BMP6: variants seen among roughly 807,000 people sequenced by gnomAD.
The protein encoded by BMP6 is bone morphogenetic protein 6.
BMP6 carries 17 observed loss-of-function variants against 54.1 expected under a neutral mutation model. The observed-to-expected ratio is 0.31, with a 90% CI of 0.22 to 0.47. The LOEUF is 0.47. Among genes scored for constraint, BMP6 ranks in the 20% least tolerant of loss-of-function variants. BMP6 has a pLI of 1.00. For missense variants in BMP6, 720 were observed against 690.4 expected, an observed-to-expected ratio of 1.04 and a Z score of -0.48; for synonymous variants, 328 against 291.2, an observed-to-expected ratio of 1.13 and a Z score of -1.28.
intron 1 of BMP6, among the ~76,000 whole-genome samples, chr6:7,821,375 C>T (rs924869132): frequency 2.6e-5 from 4 of 152,166 alleles, no homozygotes; most frequent in Non-Finnish European, 5.9e-5. Flanking sequence ...ACTCTTTTGT[C>T]ATCTCTGCTC....
intron 4 of BMP6, among the ~76,000 whole-genome samples, chr6:7,862,953 G>A (rs1019967585): frequency 2.6e-4 from 39 of 152,188 alleles, no homozygotes; most frequent in African/African-American, 9.1e-4. Context: ...CCTCTAGGAT[G>A]GATTTCTTTG....
rs777832103 is a variant in BMP6 at position 7,861,593 on chromosome 6, A to G, written c.1000A>G (p.Arg334Gly). ...NMGLQLSVVT[R>G]DGVHVHPRAA... ...GGGGCTTCAGCTGAGCGTGGTGACAAGGGATGGTAAGTTATTATCCGCAAG... is the reference window on the plus strand; with the variant it reads ...GGGGCTTCAGCTGAGCGTGGTGACAGGGGATGGTAAGTTATTATCCGCAAG... Residue 334 changes from arginine (R) to glycine (G), a missense_variant, in exon 3 of 7, where the codon AGG (arginine) becomes GGG (glycine). Physicochemically the swap from Arg to Gly is moderately radical, Grantham distance 125. Coordinates refer to ENST00000283147, the MANE Select transcript of BMP6 (RefSeq NM_001718.6). 6 of 1,613,968 alleles carry G rather than the reference A, an allele frequency of 3.7e-6. No individual in the cohort carries two copies. The highest frequency in any genetic ancestry group is 4.2e-6 in the Non-Finnish European group (5 of 1,180,010).
At chr6:7,856,673 T>TGCAAGCTCCGCCTCCC in intron 2 of BMP6, among the ~76,000 whole-genome samples, 1 of 135,306 alleles carries the variant, frequency 7.4e-6, no homozygotes, top group East Asian at 2.6e-4. Flanking sequence ...CTCGGCTCAC[T>TGCAAGCTCCGCCTCCC]GCAAGCTCCG....
intron 4 of BMP6, among the ~76,000 whole-genome samples, chr6:7,867,802 T>C (rs1275711424): frequency 6.6e-6 from 1 of 152,168 alleles, no homozygotes; most frequent in Non-Finnish European, 1.5e-5. Flanking sequence ...AAAGTTAGAA[T>C]CAAAAGCTTC....
intron 4 of BMP6, among the ~76,000 whole-genome samples, chr6:7,863,544 TC>T (rs1244118324): frequency 6.6e-6 from 1 of 152,156 alleles, no homozygotes; most frequent in Non-Finnish European, 1.5e-5. Flanking sequence ...TGGGGTTGCG[TC>T]CTCCAACCTG....
At position 7,762,181 on chromosome 6, in the gene BMP6, C is replaced by G. The variant is rs1008636755; in HGVS notation, c.664+34562C>G. 1.9e-4 allele frequency among the ~76,000 whole-genome samples: 29 copies of G among 152,188 alleles called. 1 individual carries two copies. Among genetic ancestry groups the G allele is most frequent in the Admixed American group, 1.6e-3 (25 of 15,276 alleles). On this transcript the variant is annotated intron_variant, in intron 1 of 6. Coordinates refer to ENST00000283147, the MANE Select transcript of BMP6 (RefSeq NM_001718.6). The stretch of plus-strand genomic sequence containing the variant: ...AAATGATCCACCTACCTCAGCCTCC[C>G]AAAGTGCTGGCATTACAGGTCTGAG...
chr6:7,875,088 T>G (rs1224632646), intron 4 of BMP6, among the ~76,000 whole-genome samples: 2 of 152,082 alleles, frequency 1.3e-5, no homozygotes, highest in Non-Finnish European at 2.9e-5. Context: ...GGTGAGCCAG[T>G]GGTGTAAGTC....
intron 1 of BMP6, among the ~76,000 whole-genome samples, chr6:7,760,961 G>A (rs1013600303): frequency 1.1e-4 from 17 of 152,144 alleles, no homozygotes; most frequent in Admixed American, 5.2e-4. Context: ...AAGCCATTAC[G>A]GACATTGTTC....
chr6:7,836,861 AAAGGCC>A (rs1758884204), intron 1 of BMP6, among the ~76,000 whole-genome samples: 1 of 152,244 alleles, frequency 6.6e-6, no homozygotes, highest in Non-Finnish European at 1.5e-5. Flanking sequence ...ATGAAAGTCA[AAAGGCC>A]GCTGTCGTTA....
intron 1 of BMP6, among the ~76,000 whole-genome samples, chr6:7,809,108 A>ACCCCCCCC (rs11365211): frequency 9.1e-6 from 1 of 109,554 alleles, no homozygotes; most frequent in Non-Finnish European, 1.9e-5. Flanking sequence ...AGTACCCCCC[A>ACCCCCCCC]CCCCCCCCCA....
intron 4 of BMP6, among the ~76,000 whole-genome samples, chr6:7,862,872 G>C (rs116790358): frequency 0.011 from 1,716 of 152,268 alleles, 36 homozygotes; most frequent in African/African-American, 0.038. Flanking sequence ...AAGCGAACTT[G>C]GTACAGTTGT....
intron 1 of BMP6, among the ~76,000 whole-genome samples, chr6:7,804,326 A>T (rs1469132205): frequency 6.6e-6 from 1 of 151,982 alleles, no homozygotes; most frequent in Non-Finnish European, 1.5e-5. Context: ...ACATATTTTT[A>T]AAAATTACCT....
intron 1 of BMP6, among the ~76,000 whole-genome samples, chr6:7,785,861 A>C (rs1227937973): frequency 1.3e-5 from 2 of 152,222 alleles, no homozygotes; most frequent in Non-Finnish European, 2.9e-5. Context: ...AAATAAATAC[A>C]GCCACGCTAC....
intron 1 of BMP6, among the ~76,000 whole-genome samples, chr6:7,743,651 G>A (rs376589264): frequency 6.6e-6 from 1 of 152,166 alleles, no homozygotes; most frequent in East Asian, 1.9e-4. Flanking sequence ...ATAGGAAGCT[G>A]AACTCAGAAT....
intron 1 of BMP6, among the ~76,000 whole-genome samples, chr6:7,834,742 G>A (rs921149456): frequency 2.0e-5 from 3 of 152,176 alleles, no homozygotes; most frequent in Admixed American, 6.5e-5. Flanking sequence ...AAACAGTGAA[G>A]GAGAGAACTG....
chr6:7,759,984 T>G (rs4959458), intron 1 of BMP6, among the ~76,000 whole-genome samples: 2 of 151,364 alleles, frequency 1.3e-5, no homozygotes, highest in Non-Finnish European at 2.9e-5. Context: ...GGATTACAGG[T>G]GTGAGCCACT....
intron 1 of BMP6, among the ~76,000 whole-genome samples, chr6:7,758,312 C>T (rs762462250): frequency 3.9e-5 from 6 of 152,178 alleles, no homozygotes; most frequent in Non-Finnish European, 7.3e-5. Context: ...CCCAGCTATC[C>T]AGGCAAGGAG....
intron 1 of BMP6, among the ~76,000 whole-genome samples, chr6:7,791,108 T>G (rs1366816838): frequency 1.3e-5 from 2 of 152,132 alleles, no homozygotes; most frequent in African/African-American, 4.8e-5. Flanking sequence ...TCCCCTTGAC[T>G]CCCTTGCCTC....
chr6:7,860,568 A>G (rs1759317626), intron 2 of BMP6, among the ~76,000 whole-genome samples: 1 of 152,190 alleles, frequency 6.6e-6, no homozygotes, highest in Non-Finnish European at 1.5e-5. Context: ...CAAAACTGTG[A>G]AAAAGTCAGT....
Sources: allele counts gnomAD v4.1 joint callset (sites outside exome capture counted in the v4.1 genomes callset), GRCh38; gene constraint gnomAD v4.1.1; transcripts MANE v1.5; gene names NCBI Gene and HGNC (gene_info 2026-07-23, HGNC 2026-07-21).